The following AGMO variants were observed in gnomAD, a reference collection of about 807,000 sequenced individuals.
AGMO encodes alkylglycerol monooxygenase, also known as glyceryl-ether monooxygenase.
A neutral mutation model predicts 60.2 loss-of-function variants in AGMO; 75 were observed. The ratio of observed to expected loss-of-function variants is 1.25; its 90% CI spans 1.03 to 1.51. The LOEUF is 1.51. AGMO is among the 40% of genes most tolerant of loss of function. The pLI is 0.00. For synonymous variants in AGMO, 261 were observed against 177.1 expected (o/e 1.47, Z -3.76); for missense variants, 763 against 525.5 (o/e 1.45, Z -4.42).
chr7:15,150,411 G>A, the AGMO span, among the ~76,000 whole-genome samples: 2 of 152,124 alleles, frequency 1.3e-5, no homozygotes, highest in African/African-American at 2.4e-5. Flanking sequence ...TCCAGCTTTT[G>A]CCCATTTAGT....
intron 12 of AGMO, among the ~76,000 whole-genome samples, chr7:15,208,697 TA>T (rs1215424456): frequency 2.0e-5 from 3 of 152,194 alleles, no homozygotes; most frequent in African/African-American, 7.2e-5. Context: ...TCTGTGAATT[TA>T]AAAATTCTTT....
chr7:15,201,213 A>G lies in AGMO; in HGVS notation c.*72T>C. ...CATATAAGCATTACATAAAATAATT[A>G]CATTTTAATATGCAGTCATAATATG... On this transcript the variant is annotated 3_prime_UTR_variant, in exon 13 of 13. Transcript: ENST00000342526. The G allele has an allele frequency of 1.1e-6, 1 of 942,380 alleles. No homozygotes were observed. Among genetic ancestry groups the G allele is most frequent in the South Asian group, 1.9e-5 (1 of 52,470 alleles). The allele number at this position is 942,380 out of a possible 1,614,324, so 58.4% of individuals were successfully genotyped here.
chr7:15,453,493 A>T (rs1035263057), intron 3 of AGMO, among the ~76,000 whole-genome samples: 2 of 152,210 alleles, frequency 1.3e-5, no homozygotes, highest in African/African-American at 4.8e-5. Flanking sequence ...TGCCTTAACA[A>T]ACAGTTGAGA....
chr7:15,517,730 T>G (rs1298895739), intron 3 of AGMO, among the ~76,000 whole-genome samples: 1 of 152,020 alleles, frequency 6.6e-6, no homozygotes, highest in East Asian at 1.9e-4. Context: ...AAGCACAAAA[T>G]TGGGCGGCAG....
chr7:15,386,358 C>G (rs1425743231), intron 9 of AGMO, among the ~76,000 whole-genome samples: 3 of 152,128 alleles, frequency 2.0e-5, no homozygotes, highest in Non-Finnish European at 4.4e-5. Context: ...TGCTACACAT[C>G]TATATTTTTT....
intron 12 of AGMO, among the ~76,000 whole-genome samples, chr7:15,226,637 G>C (rs1295925303): frequency 1.3e-5 from 2 of 152,034 alleles, no homozygotes; most frequent in South Asian, 2.1e-4. Context: ...CTCTGCATAA[G>C]ACCTTTATTA....
chr7:15,282,694 G>A (rs1057335525), intron 12 of AGMO, among the ~76,000 whole-genome samples: 1 of 152,140 alleles, frequency 6.6e-6, no homozygotes, highest in African/African-American at 2.4e-5. Context: ...AACTTCCCTG[G>A]CTTTGTTAGG....
At chr7:15,304,940 T>G (rs147445865) in intron 12 of AGMO, among the ~76,000 whole-genome samples, 5 of 152,042 alleles carry the variant, frequency 3.3e-5, no homozygotes, top group African/African-American at 7.2e-5. Flanking sequence ...GGATAAAAAT[T>G]TTCTCTTGCT....
At chr7:15,286,673 C>CA (rs1784109579) in intron 12 of AGMO, among the ~76,000 whole-genome samples, 1 of 151,988 alleles carries the variant, frequency 6.6e-6, no homozygotes, top group Admixed American at 6.6e-5. Context: ...GGAGATTTCT[C>CA]AAAAAACTAA....
At chr7:15,536,537 CT>C (rs753668495) in intron 3 of AGMO, among the ~76,000 whole-genome samples, 2 of 151,696 alleles carry the variant, frequency 1.3e-5, no homozygotes, top group African/African-American at 4.8e-5. Flanking sequence ...GAACCTGCCC[CT>C]ATTATTATTG....
intron 5 of AGMO, among the ~76,000 whole-genome samples, chr7:15,410,996 A>G (rs28392900): frequency 0.11 from 16,223 of 152,104 alleles, 937 homozygotes; most frequent in Middle Eastern, 0.15. Flanking sequence ...AGATTTAAGA[A>G]TTGGAATCTT....
chr7:15,299,869 AC>A (rs1563075538), intron 12 of AGMO, among the ~76,000 whole-genome samples: 4,452 of 150,888 alleles, frequency 0.03, 310 homozygotes, highest in African/African-American at 0.1. Flanking sequence ...ACACACACAC[AC>A]ACACACACAC....
At chr7:15,347,040 G>A (rs1393703113) in intron 12 of AGMO, among the ~76,000 whole-genome samples, 1 of 151,680 alleles carries the variant, frequency 6.6e-6, no homozygotes, top group Non-Finnish European at 1.5e-5. Context: ...AATATAAGTA[G>A]GTACTACATT....
At chr7:15,381,023 A>G (rs1322755293) in intron 10 of AGMO, among the ~76,000 whole-genome samples, 1 of 151,968 alleles carries the variant, frequency 6.6e-6, no homozygotes, top group Admixed American at 6.6e-5. Context: ...TGCATATACA[A>G]AAACTCAGCA....
intron 2 of AGMO, among the ~76,000 whole-genome samples, chr7:15,559,113 G>A (rs1785233245): frequency 6.6e-6 from 1 of 151,954 alleles, no homozygotes; most frequent in Non-Finnish European, 1.5e-5. Context: ...AAAAATAGTA[G>A]GTCATTTATA....
chr7:15,240,667 C>A (rs531374238), intron 12 of AGMO, among the ~76,000 whole-genome samples: 1 of 152,230 alleles, frequency 6.6e-6, no homozygotes, highest in African/African-American at 2.4e-5. Context: ...TCATATTCCA[C>A]ATTTCTAATA....
At chr7:15,433,325 C>T (rs981414638) in intron 3 of AGMO, among the ~76,000 whole-genome samples, 2 of 152,012 alleles carry the variant, frequency 1.3e-5, no homozygotes, top group Non-Finnish European at 2.9e-5. Flanking sequence ...CATTTACTTC[C>T]TATCACAAAC....
In AGMO at chr7:15,409,608, C is replaced by T. The variant is rs535171634; in HGVS notation, c.609+8950G>A. Among the ~76,000 whole-genome samples, 33 of 151,984 alleles carry T rather than the reference C, an allele frequency of 2.2e-4. No homozygotes were observed. In the South Asian group the frequency reaches 6.2e-3, roughly 29 times the overall value. On this transcript the variant is annotated intron_variant, in intron 5 of 12. Coordinates refer to ENST00000342526, the MANE Select transcript of AGMO (RefSeq NM_001004320.2). ...TACTCATACCCTTAAAATAAAGCCC[C>T]ATTACTGAATTCATTCTTTACAACC...
rs1318262434 is a variant in AGMO at position 15,561,898 on chromosome 7, A to C, written c.-53T>G. The C allele has an allele frequency of 5.9e-6, 9 of 1,535,810 alleles. No individual in the cohort carries two copies. Among genetic ancestry groups the C allele is most frequent in the Non-Finnish European group, 6.2e-6 (7 of 1,136,480 alleles). On this transcript the variant is annotated 5_prime_UTR_variant, in exon 1 of 13. Coordinates refer to ENST00000342526, the MANE Select transcript of AGMO (RefSeq NM_001004320.2). Reference sequence around the variant, plus strand: ...AGAATATTTAGGATTCAATGCTTGAAGCCTGAGGCTGAACAAAGAGGACGA... The same window carrying C: ...AGAATATTTAGGATTCAATGCTTGACGCCTGAGGCTGAACAAAGAGGACGA...
Sources: allele counts gnomAD v4.1 joint callset (sites outside exome capture counted in the v4.1 genomes callset), GRCh38; gene constraint gnomAD v4.1.1; transcripts MANE v1.5; gene names NCBI Gene and HGNC (gene_info 2026-07-23, HGNC 2026-07-21).